The following CSMD1 variants were observed in gnomAD, a reference collection of about 807,000 sequenced individuals.
CSMD1 encodes CUB and sushi domain-containing protein 1.
Under a neutral mutation model 417.5 loss-of-function variants are expected in CSMD1, and 213 were observed. The observed-to-expected ratio is 0.51, with a 90% CI of 0.46 to 0.57. CSMD1 has a LOEUF of 0.57. Ranked by LOEUF, CSMD1 falls within the 20% of genes least tolerant of loss-of-function variation. CSMD1 has a pLI of 0.00. For synonymous variants in CSMD1, 2,862 were observed against 1,736.8 expected, an observed-to-expected ratio of 1.65 and a Z score of -16.11; for missense variants, 6,923 against 4,529.7, an observed-to-expected ratio of 1.53 and a Z score of -15.17.
intron 1 of CSMD1, among the ~76,000 whole-genome samples, chr8:4,813,171 T>A (rs755576857): frequency 6.6e-6 from 1 of 152,200 alleles, no homozygotes; most frequent in Non-Finnish European, 1.5e-5. Flanking sequence ...CACTAATGCA[T>A]ACACTAAACG....
At chr8:4,332,824 CTT>C (rs1799952174) in intron 3 of CSMD1, among the ~76,000 whole-genome samples, 1 of 151,674 alleles carries the variant, frequency 6.6e-6, no homozygotes, top group African/African-American at 2.4e-5. Context: ...TTCAGGGAAA[CTT>C]TATTTAGCTG....
intron 5 of CSMD1, among the ~76,000 whole-genome samples, chr8:3,872,652 G>C (rs796304616): frequency 1.4e-4 from 22 of 152,176 alleles, no homozygotes; most frequent in African/African-American, 5.1e-4. Context: ...ATTTATTAAT[G>C]AGTTTATTTC....
chr8:3,181,210 G>C lies in CSMD1; in HGVS notation c.5625C>G (p.Thr1875=). Residue 1875 remains threonine (T), a synonymous_variant, in exon 37 of 70, where the codon ACC becomes ACG. Coordinates refer to ENST00000635120, the MANE Select transcript of CSMD1 (RefSeq NM_033225.6). ...TAPRLGSFSG[T]TVPALLNSTS... is the part of the protein sequence containing the mutation. ...TACTGTTCAGCAGTGCCGGTACTGT[G>C]GTGCCTGTAAGAAACAATGCAGATA... 6.2e-7 allele frequency: 1 copy of C among 1,610,354 alleles called. No individual in the cohort carries two copies. The highest frequency in any genetic ancestry group is 8.5e-7 in the Non-Finnish European group (1 of 1,176,902).
At chr8:3,220,843 T>TCAAC (rs372287724) in intron 28 of CSMD1, among the ~76,000 whole-genome samples, 209 of 151,992 alleles carry the variant, frequency 1.4e-3, no homozygotes, top group African/African-American at 5.0e-3. Flanking sequence ...CAAAAACCAA[T>TCAAC]CAACCAACCA....
At chr8:4,811,810 G>C (rs556645015) in intron 1 of CSMD1, among the ~76,000 whole-genome samples, 2 of 152,010 alleles carry the variant, frequency 1.3e-5, no homozygotes, top group South Asian at 2.1e-4. Flanking sequence ...GTTTTGCATA[G>C]ACATAGGAAA....
At chr8:4,149,289 G>C (rs1252581843) in intron 3 of CSMD1, among the ~76,000 whole-genome samples, 9 of 152,108 alleles carry the variant, frequency 5.9e-5, no homozygotes, top group Admixed American at 5.9e-4. Context: ...CCTAAAAAAA[G>C]TAAAGATAAG....
rs1330893400 is a variant in CSMD1, at chr8:3,442,547, C to A, written c.1561+26165G>T. On this transcript the variant is annotated intron_variant, in intron 12 of 69. Transcript: ENST00000635120. Reference sequence around the variant, plus strand: ...TTGCCTGTAGTATTACAGTCACATGCTGTACAGGTTTGGAGCCTAGGAACA... The same window carrying A: ...TTGCCTGTAGTATTACAGTCACATGATGTACAGGTTTGGAGCCTAGGAACA... Among the ~76,000 whole-genome samples the A allele has an allele frequency of 3.3e-5, 5 of 152,186 alleles. No homozygotes were observed. In the South Asian group the frequency reaches 6.2e-4, roughly 19 times the overall value.
intron 1 of CSMD1, among the ~76,000 whole-genome samples, chr8:4,993,246 G>A (rs934120879): frequency 7.2e-5 from 11 of 152,022 alleles, no homozygotes; most frequent in African/African-American, 2.2e-4. Context: ...AAAATGAAAC[G>A]AAAGAAAAAC....
At chr8:3,876,335 T>C (rs748231573) in intron 5 of CSMD1, among the ~76,000 whole-genome samples, 6 of 152,192 alleles carry the variant, frequency 3.9e-5, no homozygotes, top group Non-Finnish European at 8.8e-5. Flanking sequence ...AAGCCCAGGA[T>C]GACTGTTGTG....
At chr8:3,803,229 CCCCATT>C in intron 5 of CSMD1, among the ~76,000 whole-genome samples, 1 of 152,216 alleles carries the variant, frequency 6.6e-6, no homozygotes, top group South Asian at 2.1e-4. Flanking sequence ...GTGTGCCAAC[CCCCATT>C]CTGACTGCTT....
chr8:4,626,618 G>A (rs1802133291), intron 2 of CSMD1, among the ~76,000 whole-genome samples: 1 of 152,072 alleles, frequency 6.6e-6, no homozygotes, highest in South Asian at 2.1e-4. Flanking sequence ...ACCGCAGGGG[G>A]CAGGGTGTGG....
At chr8:4,431,842 G>T (rs956592141) in intron 2 of CSMD1, among the ~76,000 whole-genome samples, 1 of 152,060 alleles carries the variant, frequency 6.6e-6, no homozygotes, top group Non-Finnish European at 1.5e-5. Context: ...ACTACGAAAT[G>T]TGGGCCTATT....
chr8:3,407,808 C>G (rs1812447036), intron 14 of CSMD1, 91 bp downstream of exon 14: 2 of 1,107,366 alleles, frequency 1.8e-6, no homozygotes, highest in Non-Finnish European at 2.6e-6. Flanking sequence ...AAGTATCAAC[C>G]TTGAAATGCA....
chr8:3,723,166 C>T (rs78375883), intron 6 of CSMD1, among the ~76,000 whole-genome samples: 1 of 152,120 alleles, frequency 6.6e-6, no homozygotes, highest in African/African-American at 2.4e-5. Flanking sequence ...TTCTTGCTGG[C>T]TAATGAAGGG....
chr8:4,116,876 A>G (rs978049390), intron 3 of CSMD1, among the ~76,000 whole-genome samples: 2 of 152,068 alleles, frequency 1.3e-5, no homozygotes, highest in African/African-American at 4.8e-5. Context: ...TGTGCCAGAA[A>G]AAGAATAAGC....
chr8:3,581,665 G>C (rs915399313), intron 9 of CSMD1, among the ~76,000 whole-genome samples: 7 of 152,192 alleles, frequency 4.6e-5, no homozygotes, highest in Admixed American at 2.0e-4. Context: ...GAATGGACCT[G>C]ATGTTCAGAC....
At chr8:3,077,029 G>GT (rs1554506155) in intron 49 of CSMD1, among the ~76,000 whole-genome samples, 2 of 151,690 alleles carry the variant, frequency 1.3e-5, no homozygotes, top group East Asian at 2.0e-4. Flanking sequence ...AGTCCTAAGT[G>GT]CACTTCTTTC....
chr8:3,989,974 A>T (rs1194637547), intron 5 of CSMD1, among the ~76,000 whole-genome samples: 1 of 152,262 alleles, frequency 6.6e-6, no homozygotes, highest in Non-Finnish European at 1.5e-5. Context: ...AAATGAAGAT[A>T]TCAAAATGTA....
chr8:3,608,187 A>T (rs1230761224), intron 8 of CSMD1, among the ~76,000 whole-genome samples: 1 of 151,774 alleles, frequency 6.6e-6, no homozygotes, highest in African/African-American at 2.4e-5. Flanking sequence ...AAAAAAAAAA[A>T]AAAAAGTAAA....
Sources: gnomAD v4.1 joint callset for allele counts (sites outside exome capture counted in the v4.1 genomes callset) on GRCh38, gnomAD v4.1.1 for gene constraint, MANE v1.5 for transcripts, NCBI Gene and HGNC (gene_info 2026-07-23, HGNC 2026-07-21) for gene names.